The following LAMA1 variants were observed in gnomAD, a reference collection of about 807,000 sequenced individuals.
LAMA1 encodes the protein laminin subunit alpha-1.
Under a neutral mutation model 348.7 loss-of-function variants are expected in LAMA1, and 219 were observed. The observed-to-expected ratio is 0.63, with a 90% CI of 0.56 to 0.70. LAMA1 has a LOEUF of 0.70. Among genes scored for constraint, LAMA1 ranks in the 30% least tolerant of loss-of-function variants. LAMA1 has a pLI of 0.00. For synonymous variants in LAMA1, 1,487 were observed against 1,491.0 expected (o/e 1.00, Z 0.06); for missense variants, 3,744 against 3,888.0 (o/e 0.96, Z 0.99).
At chr18:7,109,454 G>A (rs2058327067) in intron 1 of LAMA1, among the ~76,000 whole-genome samples, 1 of 152,224 alleles carries the variant, frequency 6.6e-6, no homozygotes, top group Non-Finnish European at 1.5e-5. Context: ...CTTTGGCTGG[G>A]TGGGAACTCC....
At chr18:6,975,588 C>A (rs2057678167) in intron 45 of LAMA1, among the ~76,000 whole-genome samples, 1 of 152,224 alleles carries the variant, frequency 6.6e-6, no homozygotes, top group African/African-American at 2.4e-5. Context: ...AGGCACTTGC[C>A]ATCTGGAGAC....
intron 19 of LAMA1, among the ~76,000 whole-genome samples, chr18:7,021,833 A>ATTATATAT: frequency 1.5e-5 from 1 of 65,914 alleles, no homozygotes; most frequent in African/African-American, 8.1e-5. Context: ...TATATAATAT[A>ATTATATAT]ATAATATATT....
At chr18:7,068,355 G>A (rs925127753) in intron 3 of LAMA1, among the ~76,000 whole-genome samples, 6 of 152,196 alleles carry the variant, frequency 3.9e-5, no homozygotes, top group African/African-American at 9.7e-5. Flanking sequence ...TGAAGGAACC[G>A]CCCATGTGTT....
chr18:7,010,087 G>T, intron 26 of LAMA1, 113 bp downstream of exon 26: 2 of 1,224,568 alleles, frequency 1.6e-6, no homozygotes, highest in Non-Finnish European at 2.4e-6. Flanking sequence ...GATTACAGGT[G>T]TGAGCCACCG....
At position 6,982,605 on chromosome 18, in the gene LAMA1, C is replaced by T. The variant is rs761498318; in HGVS notation, c.5797-15G>A. On this transcript the variant is annotated splice_polypyrimidine_tract_variant and intron_variant, in intron 40 of 62. Coordinates refer to ENST00000389658, the MANE Select transcript of LAMA1 (RefSeq NM_005559.4). The stretch of plus-strand genomic sequence containing the variant: ...GATTCTGAGAGCTGGAAAACAGAAC[C>T]ACTTAAGCGTGGTGAGAGCAGGGCA... 1 of 1,611,420 alleles carries T rather than the reference C, an allele frequency of 6.2e-7. No homozygotes were observed. Among genetic ancestry groups the T allele is most frequent in the Non-Finnish European group, 8.5e-7 (1 of 1,177,560 alleles).
intron 1 of LAMA1, among the ~76,000 whole-genome samples, chr18:7,083,796 C>A (rs996869739): frequency 3.9e-5 from 6 of 151,990 alleles, no homozygotes; most frequent in South Asian, 2.1e-4. Context: ...TGGGGCCGGG[C>A]GCAATGGCTC....
At chr18:7,063,870 T>C (rs1489233143) in intron 3 of LAMA1, among the ~76,000 whole-genome samples, 2 of 151,466 alleles carry the variant, frequency 1.3e-5, no homozygotes, top group Non-Finnish European at 2.9e-5. Flanking sequence ...GAACGTGGAG[T>C]TGGTGTTTAA....
At position 6,959,349 on chromosome 18, in the gene LAMA1, C is replaced by T. The variant is rs2057596228; in HGVS notation, c.7770G>A (p.Arg2590=). The T allele has an allele frequency of 6.2e-7, 1 of 1,614,120 alleles. No individual in the cohort carries two copies. Among genetic ancestry groups the T allele is most frequent in the African/African-American group, 1.3e-5 (1 of 75,022 alleles). The change falls in exon 54 of 63, where the codon AGG becomes AGA. Residue 2590 remains arginine (R), a synonymous_variant. Coordinates refer to ENST00000389658, the MANE Select transcript of LAMA1 (RefSeq NM_005559.4). ...TGGCCGCGTGCAAGTACCTCCGATT[C>T]CTGACCAAGGAGATGGAATGCGCTT... ...DGQAHSISLV[R]NRRIITVQLD...
intron 1 of LAMA1, among the ~76,000 whole-genome samples, chr18:7,098,935 C>T (rs1458587601): frequency 6.6e-6 from 1 of 152,030 alleles, no homozygotes; most frequent in African/African-American, 2.4e-5. Flanking sequence ...TGAGGAGCCC[C>T]TCTGCCCGGC....
intron 11 of LAMA1, 83 bp from the exon 12 acceptor site, chr18:7,037,834 A>G: frequency 2.2e-6 from 3 of 1,383,694 alleles, no homozygotes; most frequent in South Asian, 2.4e-5. Context: ...TATTTTCACA[A>G]TGAAGAAATG....
intron 3 of LAMA1, among the ~76,000 whole-genome samples, chr18:7,052,208 C>T (rs1422681923): frequency 2.6e-5 from 4 of 151,604 alleles, no homozygotes; most frequent in Admixed American, 2.6e-4. Context: ...GCTGGTGGAT[C>T]GCCTGAGCCC....
intron 61 of LAMA1, among the ~76,000 whole-genome samples, chr18:6,945,084 G>A (rs572625793): frequency 5.6e-4 from 85 of 152,080 alleles, no homozygotes; most frequent in African/African-American, 2.0e-3. Context: ...AAATAGAGAT[G>A]GGGTGTCGCT....
At chr18:7,103,077 G>C (rs1215498296) in intron 1 of LAMA1, among the ~76,000 whole-genome samples, 2 of 152,166 alleles carry the variant, frequency 1.3e-5, no homozygotes, top group African/African-American at 4.8e-5. Context: ...TGAACTTCTT[G>C]TTTCTGCTGC....
At chr18:6,958,712 T>C (rs1396348768) in intron 54 of LAMA1, 50 bp from the exon 55 acceptor site, 3 of 1,480,166 alleles carry the variant, frequency 2.0e-6, no homozygotes, top group African/African-American at 2.8e-5. Context: ...CATAATGAAA[T>C]AATAATTCCA....
rs55822585 is a variant in LAMA1 at position 7,039,391 on chromosome 18, T to C, written c.1423-441A>G. ...CCTATGAATTATGAAGAAATTGTTA[T>C]TAATATTGTAAGGCCAAATAAAACC... On this transcript the variant is annotated intron_variant, in intron 10 of 62. Transcript: ENST00000389658. 7.8e-3 allele frequency among the ~76,000 whole-genome samples: 1,185 copies of C among 152,332 alleles called. 10 individuals carry two copies. The highest frequency in any genetic ancestry group is 0.027 in the African/African-American group (1,140 of 41,572).
At chr18:6,980,676 C>T (rs779340395) in intron 41 of LAMA1, 39 bp from the exon 42 acceptor site, 21 of 1,412,176 alleles carry the variant, frequency 1.5e-5, no homozygotes, top group Non-Finnish European at 2.0e-5. Context: ...TCAGGTTAGC[C>T]TACAAAAAAG....
At chr18:6,956,075 G>A in intron 56 of LAMA1, 1 of 297,850 alleles carries the variant, frequency 3.4e-6, no homozygotes, top group South Asian at 3.2e-5. Flanking sequence ...CATGAAAACT[G>A]CCCCGAACTC....
At chr18:7,071,630 T>C (rs1467469157) in intron 3 of LAMA1, among the ~76,000 whole-genome samples, 2 of 152,252 alleles carry the variant, frequency 1.3e-5, no homozygotes, top group African/African-American at 2.4e-5. Context: ...GCTTTAACAA[T>C]TATTAATCAT....
chr18:7,056,242 C>T (rs1473722941), intron 3 of LAMA1, among the ~76,000 whole-genome samples: 1 of 152,164 alleles, frequency 6.6e-6, no homozygotes, highest in Non-Finnish European at 1.5e-5. Context: ...TACTGCTGCA[C>T]CTGTGAAACT....
Sources: allele counts gnomAD v4.1 joint callset (sites outside exome capture counted in the v4.1 genomes callset), GRCh38; gene constraint gnomAD v4.1.1; transcripts MANE v1.5; gene names NCBI Gene and HGNC (gene_info 2026-07-23, HGNC 2026-07-21).